Variants in ST3GAL6 observed in about 807,000 individuals in gnomAD.
ST3GAL6 encodes the protein ST3 beta-galactoside alpha-2,3-sialyltransferase 6, also known as type 2 lactosamine alpha-2,3-sialyltransferase.
Under a neutral mutation model 40.5 loss-of-function variants are expected in ST3GAL6, and 31 were observed. That is an observed-to-expected ratio of 0.77 (90% CI 0.58 to 1.03). The LOEUF (loss-of-function observed/expected upper bound fraction) is 1.03. Among genes scored for constraint, ST3GAL6 ranks in the 50% least tolerant of loss-of-function variants. The probability of loss-of-function intolerance (pLI) is 0.00; values close to 1 mark genes in which losing one functional copy is unlikely to be tolerated. For synonymous variants in ST3GAL6, 129 were observed against 136.9 expected (o/e 0.94, Z 0.40); for missense variants, 357 against 393.2 (o/e 0.91, Z 0.78).
At chr3:98,747,355 G>A (rs1936639755) in intron 1 of ST3GAL6, among the ~76,000 whole-genome samples, 1 of 152,122 alleles carries the variant, frequency 6.6e-6, no homozygotes, top group South Asian at 2.1e-4. Context: ...GATTCATAGT[G>A]TTTTAAATAT....
intron 1 of ST3GAL6, among the ~76,000 whole-genome samples, chr3:98,755,034 A>T (rs1023667017): frequency 3.9e-5 from 6 of 152,204 alleles, no homozygotes; most frequent in African/African-American, 1.2e-4. Context: ...GTGTGTCTGA[A>T]TTTATTTTTT....
At chr3:98,761,658 C>G (rs1937786400), upstream of ST3GAL6, among the ~76,000 whole-genome samples, 2 of 150,628 alleles carry the variant, frequency 1.3e-5, no homozygotes, top group Admixed American at 1.3e-4. Context: ...TTAACAACAT[C>G]TAATGCTTCT....
chr3:98,766,186 A>G (rs1289531126), intron 1 of ST3GAL6, among the ~76,000 whole-genome samples: 1 of 152,204 alleles, frequency 6.6e-6, no homozygotes, highest in African/African-American at 2.4e-5. Flanking sequence ...AAACAACAAA[A>G]CAATAACACA....
rs1940926838 is a variant in ST3GAL6, at chr3:98,788,370, T to C, written c.663T>C (p.Tyr221=). 1.2e-6 allele frequency: 2 copies of C among 1,613,044 alleles called. No individual in the cohort carries two copies. The highest frequency in any genetic ancestry group is 8.5e-7 in the Non-Finnish European group (1 of 1,179,730). ...AGAAACCAGCCTTAAACCTGATTTA[T>C]AAACCTTATCAAATCCGAATATTAG... is the stretch of plus-strand genomic sequence containing the variant. ...FWKKPALNLI[Y]KPYQIRILDP... The change falls in exon 8 of 10, where the codon TAT becomes TAC. Residue 221 remains tyrosine, a synonymous_variant. Coordinates refer to ENST00000483910, the MANE Select transcript of ST3GAL6 (RefSeq NM_001323368.2).
intron 1 of ST3GAL6, among the ~76,000 whole-genome samples, chr3:98,764,202 C>T (rs959311160): frequency 6.6e-6 from 1 of 152,104 alleles, no homozygotes; most frequent in African/African-American, 2.4e-5. Context: ...TTTGCACTAA[C>T]CTAATGCTTG....
chr3:98,772,714 G>A, intron 3 of ST3GAL6, 99 bp from the exon 4 acceptor site: 1 of 728,352 alleles, frequency 1.4e-6, no homozygotes, highest in Non-Finnish European at 2.4e-6. Flanking sequence ...CCAGTATAAT[G>A]ATATGGATTA....
rs1211430328 is a variant in ST3GAL6 at position 98,788,386 on chromosome 3, C to A, written c.679C>A (p.Arg227=). ...LNLIYKPYQI[R]ILDPFIIRTA... ...CCTGATTTATAAACCTTATCAAATCCGAATATTAGATCCTTTCATTATCAG... is the reference window on the plus strand; with the variant it reads ...CCTGATTTATAAACCTTATCAAATCAGAATATTAGATCCTTTCATTATCAG... The change falls in exon 8 of 10, where the codon CGA becomes AGA. Residue 227 remains arginine, a synonymous_variant. Coordinates refer to ENST00000483910, the MANE Select transcript of ST3GAL6 (RefSeq NM_001323368.2). The A allele has an allele frequency of 6.2e-7, 1 of 1,612,704 alleles. No homozygotes were observed. Among genetic ancestry groups the A allele is most frequent in the South Asian group, 1.1e-5 (1 of 90,676 alleles).
intron 1 of ST3GAL6, among the ~76,000 whole-genome samples, chr3:98,744,522 A>G (rs1174337504): frequency 6.6e-6 from 1 of 152,172 alleles, no homozygotes; most frequent in Non-Finnish European, 1.5e-5. Context: ...AAGTTTCATT[A>G]TCATTATATT....
upstream of ST3GAL6, chr3:98,763,267 A>G (rs1469584345): frequency 5.6e-6 from 7 of 1,259,552 alleles, no homozygotes; most frequent in Non-Finnish European, 7.2e-6. Context: ...AAATTGAGTA[A>G]TAAGTACAAA....
At chr3:98,780,548 A>C (rs530817719) in intron 5 of ST3GAL6, among the ~76,000 whole-genome samples, 1 of 151,500 alleles carries the variant, frequency 6.6e-6, no homozygotes, top group African/African-American at 2.4e-5. Flanking sequence ...GGGCGTTCTA[A>C]ATGAGGCAAT....
At chr3:98,748,925 C>A (rs1409028981) in intron 1 of ST3GAL6, among the ~76,000 whole-genome samples, 1 of 152,160 alleles carries the variant, frequency 6.6e-6, no homozygotes, top group Non-Finnish European at 1.5e-5. Context: ...TCCTCTTCAT[C>A]CTTCAGAGAC....
chr3:98,755,840 C>T (rs1034850863), intron 1 of ST3GAL6, among the ~76,000 whole-genome samples: 10 of 151,666 alleles, frequency 6.6e-5, no homozygotes, highest in Admixed American at 6.6e-4. Context: ...TAGCCCACGG[C>T]ACATTTTTAA....
chr3:98,781,999 C>G (rs1297251311), intron 5 of ST3GAL6, among the ~76,000 whole-genome samples: 2 of 152,142 alleles, frequency 1.3e-5, no homozygotes, highest in African/African-American at 4.8e-5. Context: ...ATCGCCCCCT[C>G]CTATAGCATA....
chr3:98,753,703 G>C (rs921180517), intron 1 of ST3GAL6, among the ~76,000 whole-genome samples: 1 of 152,178 alleles, frequency 6.6e-6, no homozygotes, highest in Admixed American at 6.5e-5. Context: ...GGTAGCTTAC[G>C]CCTGTAATCC....
intron 5 of ST3GAL6, among the ~76,000 whole-genome samples, chr3:98,780,497 T>A (rs1483719196): frequency 6.6e-6 from 1 of 152,188 alleles, no homozygotes; most frequent in Non-Finnish European, 1.5e-5. Flanking sequence ...ATGAAACTCC[T>A]AAAAATATGG....
chr3:98,752,693 G>A (rs546838781), intron 1 of ST3GAL6, among the ~76,000 whole-genome samples: 4 of 152,148 alleles, frequency 2.6e-5, no homozygotes, highest in Admixed American at 2.0e-4. Flanking sequence ...GGATGGTCTC[G>A]ATCTCCTGAC....
chr3:98,782,817 A>T (rs1940272459), intron 5 of ST3GAL6: 1 of 508,720 alleles, frequency 2.0e-6, no homozygotes, highest in Non-Finnish European at 3.9e-6. Flanking sequence ...CAGGAGTTGA[A>T]TGAACCCCTG....
chr3:98,775,474 C>CAAAA (rs34588217), intron 5 of ST3GAL6, among the ~76,000 whole-genome samples: 3 of 125,026 alleles, frequency 2.4e-5, no homozygotes, highest in Non-Finnish European at 5.1e-5. Flanking sequence ...GACTTCGTCT[C>CAAAA]AAAAAAAAAA....
At chr3:98,761,225 A>T (rs1379917169), upstream of ST3GAL6, among the ~76,000 whole-genome samples, 3 of 152,148 alleles carry the variant, frequency 2.0e-5, no homozygotes, top group Non-Finnish European at 4.4e-5. Flanking sequence ...CAGGAGGATT[A>T]CTTGAGCCCA....
Sources: allele counts gnomAD v4.1 joint callset (sites outside exome capture counted in the v4.1 genomes callset), GRCh38; gene constraint gnomAD v4.1.1; transcripts MANE v1.5; gene names NCBI Gene and HGNC (gene_info 2026-07-23, HGNC 2026-07-21).